The following GUCY1A2 variants were observed in gnomAD, a reference collection of about 807,000 sequenced individuals.
GUCY1A2 encodes guanylate cyclase 1 soluble subunit alpha 2.
In GUCY1A2, 27 loss-of-function variants were observed where a neutral mutation model predicts 63.5. That is an observed-to-expected ratio of 0.43 (90% CI 0.31 to 0.59). The LOEUF (loss-of-function observed/expected upper bound fraction) is 0.59. Among genes scored for constraint, GUCY1A2 ranks in the 20% least tolerant of loss-of-function variants. GUCY1A2 has a pLI of 0.11. For missense variants in GUCY1A2, 768 were observed against 913.3 expected, an observed-to-expected ratio of 0.84 and a Z score of 2.05; for synonymous variants, 364 against 343.5, an observed-to-expected ratio of 1.06 and a Z score of -0.66.
At chr11:106,949,392 A>C (rs1327084017) in intron 3 of GUCY1A2, among the ~76,000 whole-genome samples, 1 of 152,112 alleles carries the variant, frequency 6.6e-6, no homozygotes, top group African/African-American at 2.4e-5. Flanking sequence ...CATGCTCAAC[A>C]ATCTCTCTCT....
At chr11:106,888,711 T>A (rs1156293983) in intron 4 of GUCY1A2, among the ~76,000 whole-genome samples, 1 of 152,174 alleles carries the variant, frequency 6.6e-6, no homozygotes, top group Admixed American at 6.5e-5. Context: ...ACAACAATGG[T>A]TTCCTTGTCC....
At chr11:106,938,627 C>T (rs1001406583) in intron 4 of GUCY1A2, among the ~76,000 whole-genome samples, 2 of 152,148 alleles carry the variant, frequency 1.3e-5, no homozygotes, top group South Asian at 2.1e-4. Context: ...GTTGTTTTTC[C>T]GTTTAATCAC....
chr11:106,732,498 A>G (rs1255412878), intron 6 of GUCY1A2, among the ~76,000 whole-genome samples: 1 of 152,182 alleles, frequency 6.6e-6, no homozygotes, highest in Non-Finnish European at 1.5e-5. Flanking sequence ...TATTTAATGC[A>G]TCTGTAACCT....
rs185857092 is a variant in GUCY1A2, at chr11:106,728,273, G to A, written c.1837-19607C>T. On this transcript the variant is annotated intron_variant, in intron 6 of 7. Transcript: ENST00000526355. ...CGTGTCATACAACTTCTCAGCAAACGATCTCCTGACTTCTTGCCCTCCTTT... is the reference window on the plus strand; with the variant it reads ...CGTGTCATACAACTTCTCAGCAAACAATCTCCTGACTTCTTGCCCTCCTTT... Among the ~76,000 whole-genome samples the A allele has an allele frequency of 7.4e-4, 112 of 152,132 alleles. 1 individual carries two copies. The highest frequency in any genetic ancestry group is 2.4e-3 in the African/African-American group (100 of 41,494).
chr11:107,002,220 A>G (rs992711006), intron 1 of GUCY1A2, among the ~76,000 whole-genome samples: 3 of 152,104 alleles, frequency 2.0e-5, no homozygotes, highest in Non-Finnish European at 4.4e-5. Flanking sequence ...CTACCTTTCA[A>G]CAGTATAAAA....
chr11:106,676,162 A>T lies in GUCY1A2; in HGVS notation c.*11387T>A, dbSNP rs1433658462. The T allele has an allele frequency of 5.5e-6, 1 of 181,528 alleles. No homozygotes were observed. The highest frequency in any genetic ancestry group is 9.1e-5 in the East Asian group (1 of 11,044). 11.2% of individuals were successfully genotyped at this position (181,528 alleles called of 1,614,324 possible). On this transcript the variant is annotated 3_prime_UTR_variant, in exon 8 of 8. Coordinates refer to ENST00000526355, the MANE Select transcript of GUCY1A2 (RefSeq NM_000855.3). Reference sequence around the variant, plus strand: ...AAGAATACAATTTTAAGTTTGGGAGATTATAAATTCTTTAAATCTTGTTCA... The same window carrying T: ...AAGAATACAATTTTAAGTTTGGGAGTTTATAAATTCTTTAAATCTTGTTCA...
chr11:106,715,119 C>T (rs376325144), intron 6 of GUCY1A2, among the ~76,000 whole-genome samples: 24 of 152,234 alleles, frequency 1.6e-4, no homozygotes, highest in East Asian at 5.8e-4. Flanking sequence ...CTCTGGGACA[C>T]GTTAAAGTCC....
intron 6 of GUCY1A2, among the ~76,000 whole-genome samples, chr11:106,710,054 A>ATAGTTATATATAT (rs1863074389): frequency 2.1e-4 from 1 of 4,782 alleles, no homozygotes; most frequent in Admixed American, 3.4e-3. Context: ...GTTATATATA[A>ATAGTTATATATAT]TATATACATG....
intron 4 of GUCY1A2, among the ~76,000 whole-genome samples, chr11:106,898,007 A>G (rs1046663589): frequency 4.6e-5 from 7 of 152,178 alleles, no homozygotes; most frequent in Non-Finnish European, 1.0e-4. Context: ...AATATTAGGG[A>G]AACAACCCAA....
chr11:106,974,009 A>C (rs1439527685), intron 3 of GUCY1A2, among the ~76,000 whole-genome samples: 1 of 152,088 alleles, frequency 6.6e-6, no homozygotes, highest in Non-Finnish European at 1.5e-5. Context: ...GAAGTAAATC[A>C]TTCCAGTTCG....
chr11:106,939,505 C>T lies in GUCY1A2; in HGVS notation c.1161G>A (p.Val387=), dbSNP rs1374174958. ...CAGAAGCCTCAGGCTTGGTTCTAAT[C>T]ACAAACGGGGTAGACAGTCGCAGCA... The part of the protein sequence containing the change: ...RVLLRLSTPF[V]IRTKPEASGS... Residue 387 remains valine (V), a synonymous_variant, in exon 4 of 8, where the codon GTG becomes GTA. Coordinates refer to ENST00000526355, the MANE Select transcript of GUCY1A2 (RefSeq NM_000855.3). 1 of 1,610,704 alleles carries T rather than the reference C, an allele frequency of 6.2e-7. No homozygotes were observed. Among genetic ancestry groups the T allele is most frequent in the South Asian group, 1.1e-5 (1 of 91,004 alleles).
chr11:106,755,507 C>T (rs1863957543), intron 6 of GUCY1A2, among the ~76,000 whole-genome samples: 2 of 152,150 alleles, frequency 1.3e-5, no homozygotes, highest in Admixed American at 6.5e-5. Context: ...TCCCTCTACA[C>T]ACTGCTTTAA....
chr11:106,725,157 T>TGGCTAAAATTCTAAC (rs1565270054), intron 6 of GUCY1A2, among the ~76,000 whole-genome samples: 2 of 21,966 alleles, frequency 9.1e-5, no homozygotes, highest in African/African-American at 7.2e-4. Context: ...AAATTCTTTT[T>TGGCTAAAATTCTAAC]TTTTTTTTTT....
chr11:106,967,880 T>A (rs568150446), intron 3 of GUCY1A2, among the ~76,000 whole-genome samples: 10 of 152,012 alleles, frequency 6.6e-5, no homozygotes, highest in African/African-American at 2.4e-4. Flanking sequence ...CAAAAAGCAA[T>A]GAATGAAAGC....
chr11:106,738,597 G>A (rs929739964), intron 6 of GUCY1A2, among the ~76,000 whole-genome samples: 1 of 152,138 alleles, frequency 6.6e-6, no homozygotes, highest in Non-Finnish European at 1.5e-5. Flanking sequence ...TCCAGTTTCA[G>A]ATTTTTGCAT....
intron 6 of GUCY1A2, among the ~76,000 whole-genome samples, chr11:106,728,581 T>C (rs1049132021): frequency 6.6e-6 from 1 of 152,180 alleles, no homozygotes; most frequent in African/African-American, 2.4e-5. Context: ...CTAAAATCAC[T>C]GACTAGCTCT....
intron 4 of GUCY1A2, among the ~76,000 whole-genome samples, chr11:106,832,997 A>G (rs1342367044): frequency 6.6e-6 from 1 of 152,020 alleles, no homozygotes; most frequent in East Asian, 1.9e-4. Context: ...ATTTACTGCC[A>G]TATGTATTGG....
intron 3 of GUCY1A2, among the ~76,000 whole-genome samples, chr11:106,948,500 A>G (rs1312985354): frequency 2.6e-5 from 4 of 152,176 alleles, no homozygotes; most frequent in Non-Finnish European, 5.9e-5. Flanking sequence ...GAATAAAATA[A>G]GATATAAAGA....
At chr11:106,835,697 T>C (rs184036941) in intron 4 of GUCY1A2, among the ~76,000 whole-genome samples, 12 of 151,416 alleles carry the variant, frequency 7.9e-5, no homozygotes, top group African/African-American at 2.9e-4. Flanking sequence ...TATATAGAAG[T>C]AATAGAAACC....
Sources: allele counts gnomAD v4.1 joint callset (sites outside exome capture counted in the v4.1 genomes callset), GRCh38; gene constraint gnomAD v4.1.1; transcripts MANE v1.5; gene names NCBI Gene and HGNC (gene_info 2026-07-23, HGNC 2026-07-21).